MMP15: variants seen among roughly 807,000 people sequenced by gnomAD.
The protein encoded by MMP15 is matrix metallopeptidase 15, also known as matrix metalloproteinase-15.
A neutral mutation model predicts 65.0 loss-of-function variants in MMP15; 36 were observed. That is an observed-to-expected ratio of 0.55 (90% CI 0.42 to 0.73). MMP15 has a LOEUF of 0.73. Among genes scored for constraint, MMP15 ranks in the 30% least tolerant of loss-of-function variants. MMP15 has a pLI of 0.00. For synonymous variants in MMP15, 428 were observed against 410.2 expected, an observed-to-expected ratio of 1.04 and a Z score of -0.52; for missense variants, 870 against 987.8, an observed-to-expected ratio of 0.88 and a Z score of 1.60.
At chr16:58,042,409 G>A in intron 7 of MMP15, 40 bp downstream of exon 7, 1 of 1,607,662 alleles carries the variant, frequency 6.2e-7, no homozygotes, top group Non-Finnish European at 8.5e-7. Context: ...CACGCCTCCT[G>A]CCATGACCTC....
chr16:58,039,513 A>T (rs932006805), intron 3 of MMP15, among the ~76,000 whole-genome samples: 1 of 152,120 alleles, frequency 6.6e-6, no homozygotes, highest in Non-Finnish European at 1.5e-5. Flanking sequence ...CAGGCCTTGA[A>T]CTCAGGTCTG....
chr16:58,039,230 C>G (rs1381949537), intron 3 of MMP15, among the ~76,000 whole-genome samples: 1 of 152,120 alleles, frequency 6.6e-6, no homozygotes. Flanking sequence ...GTCGGGAGTT[C>G]GAAACCAGCC....
chr16:58,042,311 G>T lies in MMP15; in HGVS notation c.1245G>T (p.Leu415=). ...PMPIGHFWRG[L]PGDISAAYER... is the part of the protein sequence containing the mutation. ...CCATCGGGCACTTCTGGCGTGGTCT[G>T]CCCGGTGACATCAGTGCTGCCTACG... The change falls in exon 7 of 10, where the codon CTG becomes CTT. Residue 415 remains leucine, a synonymous_variant. Coordinates refer to ENST00000219271, the MANE Select transcript of MMP15 (RefSeq NM_002428.4). 3 of 1,614,250 alleles carry T rather than the reference G, an allele frequency of 1.9e-6. No homozygotes were observed. Among genetic ancestry groups the T allele is most frequent in the Non-Finnish European group, 2.5e-6 (3 of 1,180,034 alleles).
chr16:58,035,586 C>T (rs1055245535), intron 1 of MMP15, among the ~76,000 whole-genome samples: 5 of 152,204 alleles, frequency 3.3e-5, no homozygotes, highest in Non-Finnish European at 5.9e-5. Context: ...CACAGGAACC[C>T]AGGAGATGAG....
chr16:58,042,121 T>C (rs1959469791), intron 6 of MMP15, 110 bp from the exon 7 acceptor site: 1 of 1,370,686 alleles, frequency 7.3e-7, no homozygotes, highest in African/African-American at 1.4e-5. Flanking sequence ...AGTATCTCAG[T>C]GTCCTCCCCT....
chr16:58,043,202 T>A lies in MMP15; in HGVS notation c.1304-8T>A. 2 of 1,580,720 alleles carry A rather than the reference T, an allele frequency of 1.3e-6. No individual in the cohort carries two copies. Among genetic ancestry groups the A allele is most frequent in the Non-Finnish European group, 1.7e-6 (2 of 1,161,092 alleles). On this transcript the variant is annotated splice_region_variant and splice_polypyrimidine_tract_variant and intron_variant, in intron 7 of 9. Transcript: ENST00000219271. The stretch of plus-strand genomic sequence containing the variant: ...CTGACCTCACTGTGCCTGCCACCCC[T>A]CCTGTAGGTGACCGCTACTGGCTCT...
chr16:58,042,198 C>G (rs778976315), intron 6 of MMP15, 33 bp from the exon 7 acceptor site: 1 of 1,598,036 alleles, frequency 6.3e-7, no homozygotes, highest in Non-Finnish European at 8.5e-7. Context: ...GGCAGCTTGC[C>G]TGCGCTGCCC....
At chr16:58,031,708 C>G (rs1314633246) in intron 1 of MMP15, among the ~76,000 whole-genome samples, 1 of 152,088 alleles carries the variant, frequency 6.6e-6, no homozygotes, top group Non-Finnish European at 1.5e-5. Flanking sequence ...TCCCAGCCCC[C>G]ACCTGCAACT....
rs904092573 is a variant in MMP15, at chr16:58,046,059, C to A, written c.*613C>A. On this transcript the variant is annotated 3_prime_UTR_variant, in exon 10 of 10. Transcript: ENST00000219271. ...CCTTGTGCCAGAGAACCCAGCCCAC[C>A]CCCGGCAGCAGCCCCCAGCTCCCAC... 6.5e-6 allele frequency: 1 copy of A among 153,154 alleles called. No homozygotes were observed. The highest frequency in any genetic ancestry group is 1.9e-4 in the East Asian group (1 of 5,200). 9.5% of individuals were successfully genotyped at this position (153,154 alleles called of 1,614,324 possible).
At chr16:58,029,463 ACT>A (rs747697536) in intron 1 of MMP15, among the ~76,000 whole-genome samples, 4 of 151,978 alleles carry the variant, frequency 2.6e-5, no homozygotes, top group Non-Finnish European at 4.4e-5. Context: ...TCTGCTTTTT[ACT>A]CTGTTTTCTT....
Position 58,026,288 on chromosome 16 carries a change from G to T in MMP15, c.-63G>T. 1 of 1,245,910 alleles carries T rather than the reference G, an allele frequency of 8.0e-7. No homozygotes were observed. Among genetic ancestry groups the T allele is most frequent in the East Asian group, 3.2e-5 (1 of 31,436 alleles). 77.2% of individuals were successfully genotyped at this position (1,245,910 alleles called of 1,614,324 possible). A position where few individuals can be genotyped will look rare whatever the true frequency, so the allele number is the denominator to read the frequency against. On this transcript the variant is annotated 5_prime_UTR_variant, in exon 1 of 10. Coordinates refer to ENST00000219271, the MANE Select transcript of MMP15 (RefSeq NM_002428.4). ...GGCCAGGAGCCAGGGAGCGTCGCAA[G>T]TTTCCAAGGCGCGTGCGAGGATCCG... is the stretch of plus-strand genomic sequence containing the variant.
In MMP15 at chr16:58,042,407, C is replaced by T. The variant is rs917265998; in HGVS notation, c.1303+38C>T. 3.1e-6 allele frequency: 5 copies of T among 1,607,548 alleles called. No individual in the cohort carries two copies. The African/African-American group carries it at 5.3e-5, about 17-fold the overall frequency. On this transcript the variant is annotated intron_variant, in intron 7 of 9. Coordinates refer to ENST00000219271, the MANE Select transcript of MMP15 (RefSeq NM_002428.4). Reference sequence around the variant, plus strand: ...AGGGTTAGAGGGTTGGGCACGCCTCCTGCCATGACCTCTGACCCTGCTGGA... The same window carrying T: ...AGGGTTAGAGGGTTGGGCACGCCTCTTGCCATGACCTCTGACCCTGCTGGA...
At chr16:58,028,559 A>G (rs1963856184) in intron 1 of MMP15, among the ~76,000 whole-genome samples, 1 of 152,178 alleles carries the variant, frequency 6.6e-6, no homozygotes, top group Non-Finnish European at 1.5e-5. Context: ...CTGTGGCCTC[A>G]GACTCCTGGG....
At chr16:58,026,685 A>G (rs1003809269) in intron 1 of MMP15, among the ~76,000 whole-genome samples, 173 bp downstream of exon 1, 5 of 152,092 alleles carry the variant, frequency 3.3e-5, no homozygotes, top group African/African-American at 9.7e-5. Flanking sequence ...CGCCCTCTGC[A>G]GCGCACCTCT....
At chr16:58,031,011 A>G (rs1433100898) in intron 1 of MMP15, among the ~76,000 whole-genome samples, 1 of 152,082 alleles carries the variant, frequency 6.6e-6, no homozygotes, top group East Asian at 1.9e-4. Context: ...CCTTCAACAT[A>G]CTTGTGTCTG....
At chr16:58,027,553 G>T (rs548529382) in intron 1 of MMP15, among the ~76,000 whole-genome samples, 1 of 152,192 alleles carries the variant, frequency 6.6e-6, no homozygotes, top group Admixed American at 6.5e-5. Context: ...TGGGCTGCCC[G>T]GGCTGCGGGC....
intron 6 of MMP15, 119 bp from the exon 7 acceptor site, chr16:58,042,112 G>A: frequency 2.3e-6 from 3 of 1,315,036 alleles, no homozygotes; most frequent in Non-Finnish European, 3.1e-6. Context: ...GCCTGCCTCA[G>A]TATCTCAGTG....
In MMP15 at chr16:58,045,264, GGCA is replaced by G; in HGVS notation, c.1831_1833del (p.Ser611del). ...TGGGGCCGGGGTCAACAAGGACGGGGGCAGCCGCGTGGTGGTGCAGATGGAGGA... is the reference window on the plus strand; with the variant it reads ...TGGGGCCGGGGTCAACAAGGACGGGGGCCGCGTGGTGGTGCAGATGGAGGA... On this transcript the variant is annotated inframe_deletion, in exon 10 of 10. Transcript: ENST00000219271. 1.2e-6 allele frequency: 2 copies of G among 1,609,664 alleles called. No homozygotes were observed. The highest frequency in any genetic ancestry group is 1.7e-6 in the Non-Finnish European group (2 of 1,178,988).
Position 58,026,070 on chromosome 16 carries a change from C to T in MMP15, c.-281C>T, listed in dbSNP as rs1286648793. Reference sequence around the variant, plus strand: ...CGGAGTTGCGCTTGCTCTCGGGAGCCGGGCCCCAGGCGCTGGGCGCCGAGG... The same window carrying T: ...CGGAGTTGCGCTTGCTCTCGGGAGCTGGGCCCCAGGCGCTGGGCGCCGAGG... On this transcript the variant is annotated 5_prime_UTR_variant, in exon 1 of 10. Transcript: ENST00000219271. 4 of 330,710 alleles carry T rather than the reference C, an allele frequency of 1.2e-5. No homozygotes were observed. Among genetic ancestry groups the T allele is most frequent in the Non-Finnish European group, 2.2e-5 (4 of 183,284 alleles). The allele number at this position is 330,710 out of a possible 1,614,324, so 20.5% of individuals were successfully genotyped here. A position where few individuals can be genotyped will look rare whatever the true frequency, so the allele number is the denominator to read the frequency against.
Sources: allele counts gnomAD v4.1 joint callset (sites outside exome capture counted in the v4.1 genomes callset), GRCh38; gene constraint gnomAD v4.1.1; transcripts MANE v1.5; gene names NCBI Gene and HGNC (gene_info 2026-07-23, HGNC 2026-07-21).